The following MOCOS variants were observed in gnomAD, a reference collection of about 807,000 sequenced individuals.
MOCOS encodes the protein molybdenum cofactor sulfurase.
MOCOS carries 86 observed loss-of-function variants against 83.6 expected under a neutral mutation model. That is an observed-to-expected ratio of 1.03 (90% confidence interval 0.86 to 1.23). The LOEUF is 1.23. Ranked by LOEUF, MOCOS falls within the 50% of genes most tolerant of loss-of-function variation. MOCOS has a pLI of 0.00. For synonymous variants in MOCOS, 445 were observed against 434.7 expected, an observed-to-expected ratio of 1.02 and a Z score of -0.29; for missense variants, 1,120 against 1,126.9, an observed-to-expected ratio of 0.99 and a Z score of 0.09.
Position 36,232,854 on chromosome 18 carries a change from TTA to T in MOCOS, c.1960+12638_1960+12639del, listed in dbSNP as rs1491401929. On this transcript the variant is annotated intron_variant, in intron 9 of 14. Transcript: ENST00000261326. ...TTTTTTATGGCTGAATAATATTCCA[TTA>T]CACACACACACACACACACACACAC... Among the ~76,000 whole-genome samples the T allele has an allele frequency of 6.7e-5, 3 of 45,044 alleles. No homozygotes were observed. In the Admixed American group the frequency reaches 1.1e-3, roughly 17 times the overall value. The allele number at this position is 45,044 out of a possible 152,430, so 29.6% of individuals were successfully genotyped here. A position where few individuals can be genotyped will look rare whatever the true frequency, so the allele number is the denominator to read the frequency against.
intron 2 of MOCOS, among the ~76,000 whole-genome samples, chr18:36,197,656 C>T (rs1314488476): frequency 1.3e-5 from 2 of 152,090 alleles, no homozygotes; most frequent in Non-Finnish European, 2.9e-5. Context: ...GCCTGTTGTG[C>T]TAGCTATTCA....
intron 9 of MOCOS, among the ~76,000 whole-genome samples, chr18:36,226,201 A>C (rs2091514683): frequency 1.3e-5 from 2 of 151,846 alleles, no homozygotes; most frequent in South Asian, 2.1e-4. Flanking sequence ...AGGTGCTCTG[A>C]TGTTGGGTGC....
At chr18:36,253,221 G>A (rs1403123658) in intron 11 of MOCOS, among the ~76,000 whole-genome samples, 2 of 152,190 alleles carry the variant, frequency 1.3e-5, no homozygotes, top group African/African-American at 4.8e-5. Context: ...CTGGTCCTTT[G>A]GAGTCTCCGT....
At chr18:36,187,866 G>A (rs1020749549) in intron 1 of MOCOS, among the ~76,000 whole-genome samples, 185 bp downstream of exon 1, 2 of 152,206 alleles carry the variant, frequency 1.3e-5, no homozygotes, top group Non-Finnish European at 2.9e-5. Flanking sequence ...CAGCCCCAAG[G>A]CTTCTTGCTA....
chr18:36,263,421 C>T (rs1267875882), intron 13 of MOCOS, among the ~76,000 whole-genome samples: 2 of 152,204 alleles, frequency 1.3e-5, no homozygotes, highest in Admixed American at 1.3e-4. Context: ...AATGCCAGGC[C>T]ATCCATTGTG....
rs1353185684 is a variant in MOCOS, at chr18:36,269,615, T to G, written c.*930T>G. 1 of 152,332 alleles carries G rather than the reference T, an allele frequency of 6.6e-6. No homozygotes were observed. Among genetic ancestry groups the G allele is most frequent in the Non-Finnish European group, 1.5e-5 (1 of 68,130 alleles). 9.4% of individuals were successfully genotyped at this position (152,332 alleles called of 1,614,324 possible). Reference sequence around the variant, plus strand: ...TCCCTGTGCGGAGCTTGTGTGTGCCTTATCTGCTTCTGCATGACTTCCAGC... The same window carrying G: ...TCCCTGTGCGGAGCTTGTGTGTGCCGTATCTGCTTCTGCATGACTTCCAGC... On this transcript the variant is annotated 3_prime_UTR_variant, in exon 15 of 15. Coordinates refer to ENST00000261326, the MANE Select transcript of MOCOS (RefSeq NM_017947.4).
At chr18:36,262,819 A>T (rs1425783989) in intron 13 of MOCOS, among the ~76,000 whole-genome samples, 1 of 152,222 alleles carries the variant, frequency 6.6e-6, no homozygotes, top group Non-Finnish European at 1.5e-5. Context: ...TCAAGAAAGT[A>T]AATGCTTGGC....
At chr18:36,197,358 T>G (rs2091392854) in intron 2 of MOCOS, among the ~76,000 whole-genome samples, 1 of 152,276 alleles carries the variant, frequency 6.6e-6, no homozygotes, top group East Asian at 1.9e-4. Flanking sequence ...CTGGAACATG[T>G]AGAACAGACT....
intron 1 of MOCOS, among the ~76,000 whole-genome samples, chr18:36,188,173 C>A (rs1464962506): frequency 6.6e-6 from 1 of 152,202 alleles, no homozygotes; most frequent in Non-Finnish European, 1.5e-5. Flanking sequence ...CGGGGCCTCC[C>A]GAGGCTGCGC....
At chr18:36,229,335 C>T (rs772560319) in intron 9 of MOCOS, among the ~76,000 whole-genome samples, 3 of 152,028 alleles carry the variant, frequency 2.0e-5, no homozygotes, top group Non-Finnish European at 2.9e-5. Flanking sequence ...TATCATTCTA[C>T]TTTGTCTGGC....
intron 9 of MOCOS, among the ~76,000 whole-genome samples, chr18:36,231,378 A>G (rs1294424805): frequency 6.6e-6 from 1 of 152,184 alleles, no homozygotes; most frequent in Non-Finnish European, 1.5e-5. Context: ...GCCCATTGTT[A>G]TTAAATTATT....
chr18:36,222,925 T>A (rs987163905), intron 9 of MOCOS, among the ~76,000 whole-genome samples: 6 of 152,186 alleles, frequency 3.9e-5, no homozygotes. Context: ...AATTAGGTTA[T>A]TTGGTTTTCT....
intron 1 of MOCOS, among the ~76,000 whole-genome samples, chr18:36,188,873 G>A (rs1220067467): frequency 6.6e-6 from 1 of 151,574 alleles, no homozygotes; most frequent in Non-Finnish European, 1.5e-5. Flanking sequence ...CTTCCCTCTC[G>A]CAGGGTCACC....
At chr18:36,204,447 A>G (rs2069773607) in intron 5 of MOCOS, among the ~76,000 whole-genome samples, 1 of 152,246 alleles carries the variant, frequency 6.6e-6, no homozygotes, top group Non-Finnish European at 1.5e-5. Flanking sequence ...AAAAACAAAC[A>G]GCAAAAATAT....
chr18:36,197,020 G>T (rs2091390997), intron 2 of MOCOS, among the ~76,000 whole-genome samples: 1 of 152,146 alleles, frequency 6.6e-6, no homozygotes, highest in Admixed American at 6.5e-5. Flanking sequence ...TTTGAGGGAG[G>T]TCATGATACT....
At chr18:36,190,589 A>C (rs1199936253) in intron 1 of MOCOS, among the ~76,000 whole-genome samples, 1 of 151,914 alleles carries the variant, frequency 6.6e-6, no homozygotes, top group South Asian at 2.1e-4. Context: ...TCTCTACAAA[A>C]TATACAAAAA....
At chr18:36,245,909 T>C (rs1270938216) in intron 9 of MOCOS, among the ~76,000 whole-genome samples, 1 of 152,174 alleles carries the variant, frequency 6.6e-6, no homozygotes, top group Non-Finnish European at 1.5e-5. Flanking sequence ...ACTTTTTCAA[T>C]ACTATTGCTG....
intron 2 of MOCOS, among the ~76,000 whole-genome samples, chr18:36,197,617 T>A (rs954493295): frequency 6.6e-6 from 1 of 151,864 alleles, no homozygotes; most frequent in South Asian, 2.1e-4. Context: ...ACAAAAATTT[T>A]AAAAAATCAG....
chr18:36,260,006 C>T, intron 12 of MOCOS, 31 bp from the exon 13 acceptor site: 1 of 1,613,754 alleles, frequency 6.2e-7, no homozygotes, highest in Non-Finnish European at 8.5e-7. Flanking sequence ...CCATCCTCCC[C>T]CTACTTACTC....
Sources: gnomAD v4.1 joint callset for allele counts (sites outside exome capture counted in the v4.1 genomes callset) on GRCh38, gnomAD v4.1.1 for gene constraint, MANE v1.5 for transcripts, NCBI Gene and HGNC (gene_info 2026-07-23, HGNC 2026-07-21) for gene names.